KRT25: variants seen among roughly 807,000 people sequenced by gnomAD.
The protein encoded by KRT25 is keratin, type I cytoskeletal 25.
Under a neutral mutation model 47.6 loss-of-function variants are expected in KRT25, and 37 were observed. That is an observed-to-expected ratio of 0.78 (90% CI 0.60 to 1.02). The LOEUF is 1.02. Among genes scored for constraint, KRT25 ranks in the 50% least tolerant of loss-of-function variants. The pLI is 0.00. For missense variants in KRT25, 542 were observed against 550.3 expected, an observed-to-expected ratio of 0.98 and a Z score of 0.15; for synonymous variants, 203 against 210.2, an observed-to-expected ratio of 0.97 and a Z score of 0.30.
rs189826373 is a variant in KRT25, at chr17:40,750,654, T to G, written c.958-57A>C. The G allele has an allele frequency of 7.1e-5, 113 of 1,602,074 alleles. 1 individual carries two copies. The African/African-American group carries it at 1.4e-3, about 20-fold the overall frequency. ...GGATATGCAGATATGCAGGGATTTC[T>G]TTGATACATGATTTTCTCCTGCTGT... is the stretch of plus-strand genomic sequence containing the variant. On this transcript the variant is annotated intron_variant, in intron 5 of 7. Coordinates refer to ENST00000312150, the MANE Select transcript of KRT25 (RefSeq NM_181534.4).
rs868127774 is a variant in KRT25, at chr17:40,750,962, GGA to G, written c.947_948del (p.Leu316ProfsTer51). ...AATTGTTCTTTTCATACCGTGGCTA[GGA>G]GAGACTGAAGTTCAATTTCCAGGGT... Reference protein sequence around the residue: ...LQTLEIELQSLLATKHSLECS... With the variant: ...LQTLEIELQSXLATKHSLECS... On this transcript the variant is annotated frameshift_variant, in exon 5 of 8. Transcript: ENST00000312150. LOFTEE classifies it high-confidence loss of function. 3 of 1,614,190 alleles carry G rather than the reference GGA, an allele frequency of 1.9e-6. No individual in the cohort carries two copies. The African/African-American group carries it at 4.0e-5, about 22-fold the overall frequency.
intron 7 of KRT25, 42 bp downstream of exon 7, chr17:40,749,216 A>T (rs756135342): frequency 1.5e-5 from 22 of 1,475,278 alleles, no homozygotes; most frequent in Non-Finnish European, 1.8e-5. Flanking sequence ...AAAGTTAAAA[A>T]ATAAAAAATT....
In KRT25 at chr17:40,755,139, AG is replaced by A; in HGVS notation, c.132del (p.Phe45SerfsTer25). 1 of 1,614,224 alleles carries A rather than the reference AG, an allele frequency of 6.2e-7. No individual in the cohort carries two copies. Among genetic ancestry groups the A allele is most frequent in the East Asian group, 2.2e-5 (1 of 44,890 alleles). ...NSCGISGIGS[G>X]FSSAFGGSSS... ...GAGCTGCCTCCGAAGGCACTAGAGAAGCCACTTCCAATCCCTGAAATGCCAC... is the reference window on the plus strand; with the variant it reads ...GAGCTGCCTCCGAAGGCACTAGAGAACCACTTCCAATCCCTGAAATGCCAC... On this transcript the variant is annotated frameshift_variant, in exon 1 of 8. Transcript: ENST00000312150. LOFTEE classifies it high-confidence loss of function.
intron 5 of KRT25, 31 bp downstream of exon 5, chr17:40,750,923 A>G: frequency 6.2e-7 from 1 of 1,611,018 alleles, no homozygotes; most frequent in Non-Finnish European, 8.5e-7. Flanking sequence ...ATGACCTGGG[A>G]GATGGTGAAA....
At position 40,750,601 on chromosome 17, in the gene KRT25, T is replaced by C. The variant is rs1259981299; in HGVS notation, c.958-4A>G. 1 of 1,613,934 alleles carries C rather than the reference T, an allele frequency of 6.2e-7. No homozygotes were observed. The highest frequency in any genetic ancestry group is 1.7e-5 in the Admixed American group (1 of 59,996). On this transcript the variant is annotated splice_region_variant and splice_polypyrimidine_tract_variant and intron_variant, in intron 5 of 7. Transcript: ENST00000312150. ...AGGAGCACTCCAGGGAGTGTTTCTG[T>C]CAGGAAGCAATAAAGAGAACTTGAA...
In KRT25 at chr17:40,750,487, T is replaced by G; in HGVS notation, c.1068A>C (p.Arg356Ser). 3 of 1,614,146 alleles carry G rather than the reference T, an allele frequency of 1.9e-6. No homozygotes were observed. The highest frequency in any genetic ancestry group is 2.5e-6 in the Non-Finnish European group (3 of 1,179,972). ...CCAGCTTCTGGCCCTCGGTCTCGGT[T>G]CTGACCTGGTGCAGCTGCTCCTCCA... is the stretch of plus-strand genomic sequence containing the variant. ...GALEEQLHQV[R>S]TETEGQKLEY... Residue 356 changes from arginine (R) to serine (S), a missense_variant, in exon 6 of 8, where the codon AGA becomes AGC. By Grantham distance (110) the Arg-to-Ser change is moderately radical (BLOSUM62 -1). Transcript: ENST00000312150.
chr17:40,748,563 T>A (rs1022045416), intron 7 of KRT25, among the ~76,000 whole-genome samples, 177 bp from the exon 8 acceptor site: 1 of 152,240 alleles, frequency 6.6e-6, no homozygotes, highest in Admixed American at 6.5e-5. Flanking sequence ...TGGTGACATG[T>A]TATTTTGTTT....
At chr17:40,752,601 A>G (rs1327937511) in intron 3 of KRT25, among the ~76,000 whole-genome samples, 1 of 152,194 alleles carries the variant, frequency 6.6e-6, no homozygotes, top group Non-Finnish European at 1.5e-5. Context: ...AAAAAAAGAT[A>G]TATGTATATC....
chr17:40,752,897 TA>T (rs1272469282), intron 3 of KRT25, among the ~76,000 whole-genome samples: 1 of 152,212 alleles, frequency 6.6e-6, no homozygotes, highest in Non-Finnish European at 1.5e-5. Context: ...TTTCAAAGGA[TA>T]AAGATTTTTC....
rs2038091011 is a variant in KRT25 at position 40,754,883 on chromosome 17, T to C, written c.389A>G (p.Tyr130Cys). The change falls in exon 1 of 8, where the codon TAT (tyrosine) becomes TGT (cysteine). Residue 130 changes from tyrosine to cysteine, a missense_variant. Coordinates refer to ENST00000312150, the MANE Select transcript of KRT25 (RefSeq NM_181534.4). ...ATCAATTATTGGGAAATATCTGCTATAGTCATGATCAAGACCACGGCAAGA... is the reference window on the plus strand; with the variant it reads ...ATCAATTATTGGGAAATATCTGCTACAGTCATGATCAAGACCACGGCAAGA... ...PGSCRGLDHD[Y>C]SRYFPIIDDL... 1 of 1,614,184 alleles carries C rather than the reference T, an allele frequency of 6.2e-7. No homozygotes were observed. The highest frequency in any genetic ancestry group is 8.5e-7 in the Non-Finnish European group (1 of 1,180,004).
chr17:40,750,919 T>C (rs941919191), intron 5 of KRT25, 35 bp downstream of exon 5: 3 of 1,610,342 alleles, frequency 1.9e-6, no homozygotes, highest in Admixed American at 1.7e-5. Context: ...CATGATGACC[T>C]GGGAGATGGT....
Position 40,754,457 on chromosome 17 carries a change from G to T in KRT25, c.441C>A (p.Ser147=). ...GAACAGCATTAGCATTGCTGGTGGTGGATGCGATGATCTAGAAATGGGAAT... is the reference window on the plus strand; with the variant it reads ...GAACAGCATTAGCATTGCTGGTGGTTGATGCGATGATCTAGAAATGGGAAT... ...IDDLKNQIIA[S]TTSNANAVLQ... The change falls in exon 2 of 8, where the codon TCC becomes TCA. Residue 147 remains serine (S), a synonymous_variant. Transcript: ENST00000312150. 1 of 1,613,516 alleles carries T rather than the reference G, an allele frequency of 6.2e-7. No individual in the cohort carries two copies. The highest frequency in any genetic ancestry group is 8.5e-7 in the Non-Finnish European group (1 of 1,179,572).
intron 3 of KRT25, among the ~76,000 whole-genome samples, chr17:40,751,883 C>CATGT (rs1555544043): frequency 6.7e-6 from 1 of 148,920 alleles, no homozygotes; most frequent in Admixed American, 6.7e-5. Context: ...TGTGTGCGTG[C>CATGT]GTGTGTGTGT....
Position 40,754,954 on chromosome 17 carries a change from G to A in KRT25, c.318C>T (p.Asp106=). ...SVHALEEANA[D]LEQKIKGWYE... ...ACCAGCCCTTGATCTTCTGCTCCAG[G>A]TCAGCGTTGGCCTCCTCCAGAGCAT... The change falls in exon 1 of 8, where the codon GAC becomes GAT. Residue 106 remains aspartate, a synonymous_variant. Transcript: ENST00000312150. The A allele has an allele frequency of 6.2e-7, 1 of 1,614,132 alleles. No homozygotes were observed. The highest frequency in any genetic ancestry group is 8.5e-7 in the Non-Finnish European group (1 of 1,180,028).
chr17:40,755,459 TA>T, upstream of KRT25: 1 of 580,372 alleles, frequency 1.7e-6, no homozygotes, highest in Non-Finnish European at 3.0e-6. Context: ...TGATTTTTTC[TA>T]ATTAGTAACT....
chr17:40,753,227 T>TATC (rs1157842100), intron 3 of KRT25, among the ~76,000 whole-genome samples: 3 of 152,290 alleles, frequency 2.0e-5, no homozygotes, highest in Non-Finnish European at 4.4e-5. Flanking sequence ...ATATTTATTT[T>TATC]ATCTAATTAG....
In KRT25 at chr17:40,753,906, T is replaced by C. The variant is rs775373708; in HGVS notation, c.623A>G (p.Glu208Gly). ...LCRTDLEIQY[E>G]TLSEEMTYLK... ...GTAAGTCATCTCCTCACTCAGGGTT[T>C]CATACTGAATCTCCAGATCTGTTCT... The change falls in exon 3 of 8, where the codon GAA becomes GGA. Residue 208 changes from glutamate (E) to glycine (G), a missense_variant. Coordinates refer to ENST00000312150, the MANE Select transcript of KRT25 (RefSeq NM_181534.4). 1 of 1,614,050 alleles carries C rather than the reference T, an allele frequency of 6.2e-7. No individual in the cohort carries two copies. The highest frequency in any genetic ancestry group is 8.5e-7 in the Non-Finnish European group (1 of 1,179,974).
chr17:40,754,399 C>A lies in KRT25; in HGVS notation c.499G>T (p.Asp167Tyr). The A allele has an allele frequency of 6.2e-7, 1 of 1,613,636 alleles. No homozygotes were observed. Among genetic ancestry groups the A allele is most frequent in the South Asian group, 1.1e-5 (1 of 91,032 alleles). ...CAGTCTACTTACTTGAGTCTGAAAT[C>A]ATCAGCTGTAAGCCTGGCATTATCG... is the stretch of plus-strand genomic sequence containing the variant. The part of the protein sequence containing the change: ...QIDNARLTAD[D>Y]FRLKYENELA... The change falls in exon 2 of 8, where the codon GAT (aspartate) becomes TAT (tyrosine). Residue 167 changes from aspartate to tyrosine, a missense_variant. Coordinates refer to ENST00000312150, the MANE Select transcript of KRT25 (RefSeq NM_181534.4).
At chr17:40,753,274 T>C (rs138171843) in intron 3 of KRT25, among the ~76,000 whole-genome samples, 7 of 152,250 alleles carry the variant, frequency 4.6e-5, no homozygotes, top group African/African-American at 1.7e-4. Flanking sequence ...AACTTAGTTA[T>C]AATTACACAG....
Sources: gnomAD v4.1 joint callset for allele counts (sites outside exome capture counted in the v4.1 genomes callset) on GRCh38, gnomAD v4.1.1 for gene constraint, MANE v1.5 for transcripts, NCBI Gene and HGNC (gene_info 2026-07-23, HGNC 2026-07-21) for gene names.